Variants in PRDM8 observed in about 807,000 individuals in gnomAD.
The protein encoded by PRDM8 is PR domain zinc finger protein 8.
PRDM8 carries 13 observed loss-of-function variants against 46.5 expected under a neutral mutation model. That is an observed-to-expected ratio of 0.28 (90% CI 0.18 to 0.44). PRDM8 has a LOEUF of 0.44. PRDM8 is among the 20% of genes least tolerant of loss of function. PRDM8 has a pLI of 1.00. For missense variants in PRDM8, 998 were observed against 955.0 expected (o/e 1.04, Z -0.59); for synonymous variants, 473 against 438.4 (o/e 1.08, Z -0.98).
chr4:80,194,586 A>G (rs994603118), upstream of PRDM8, among the ~76,000 whole-genome samples: 1 of 152,240 alleles, frequency 6.6e-6, no homozygotes, highest in South Asian at 2.1e-4. Context: ...CAAAATGTGT[A>G]CCACTTAAAT....
intron 1 of PRDM8, chr4:80,189,868 G>A (rs1737412051): frequency 6.6e-6 from 1 of 152,260 alleles, no homozygotes; most frequent in Admixed American, 6.5e-5. Flanking sequence ...GACTTCTAAG[G>A]AGAATGTTCA....
chr4:80,188,771 G>T (rs1283564344), intron 1 of PRDM8, among the ~76,000 whole-genome samples: 3 of 152,208 alleles, frequency 2.0e-5, no homozygotes, highest in African/African-American at 7.2e-5. Flanking sequence ...CCCGTTCAGG[G>T]CTGCTCCTGC....
At chr4:80,193,453 T>C (rs1316475678), upstream of PRDM8, among the ~76,000 whole-genome samples, 2 of 152,074 alleles carry the variant, frequency 1.3e-5, no homozygotes, top group African/African-American at 2.4e-5. Flanking sequence ...AAACCCACCA[T>C]GTATCTTTCT....
At position 80,202,141 on chromosome 4, in the gene PRDM8, T is replaced by A. The variant is rs768596814; in HGVS notation, c.679T>A (p.Phe227Ile). The A allele has an allele frequency of 4.6e-5, 73 of 1,602,298 alleles. No homozygotes were observed. Among genetic ancestry groups the A allele is most frequent in the Non-Finnish European group, 5.9e-5 (70 of 1,177,358 alleles). ...GGCACCTTTAGGCCCGGGTCCCAAG[T>A]TTTGCAAAGCCGGCCCCCTCCACCA... ...QEAPLGPGPK[F>I]CKAGPLHHYP... Residue 227 changes from phenylalanine to isoleucine, a missense_variant, in exon 4 of 4, where the codon TTT (phenylalanine) becomes ATT (isoleucine). Physicochemically the swap from Phe to Ile is conservative, Grantham distance 21. Coordinates refer to ENST00000415738, the MANE Select transcript of PRDM8 (RefSeq NM_001099403.2).
chr4:80,185,513 G>A (rs988593533), exon 1 of PRDM8: 1 of 152,318 alleles, frequency 6.6e-6, no homozygotes, highest in African/African-American at 2.4e-5. Flanking sequence ...CAGGGGCGGC[G>A]GCAAAGTGAG....
upstream of PRDM8, among the ~76,000 whole-genome samples, chr4:80,193,794 T>C (rs1737730844): frequency 6.6e-6 from 1 of 152,206 alleles, no homozygotes; most frequent in African/African-American, 2.4e-5. Context: ...TGTGGGTTTT[T>C]TCCCCCCCTT....
Position 80,202,284 on chromosome 4 carries a change from CA to C in PRDM8, c.823del (p.Ser275AlafsTer26). Reference protein sequence around the residue: ...ARELENSRGGSSCSPAQSLSS... With the variant: ...ARELENSRGGXSCSPAQSLSS... ...GGGAGCTGGAAAACTCCCGGGGAGG[CA>C]GCAGCTGCTCCCCAGCCCAGAGCCT... is the stretch of plus-strand genomic sequence containing the variant. On this transcript the variant is annotated frameshift_variant, in exon 4 of 4. Coordinates refer to ENST00000415738, the MANE Select transcript of PRDM8 (RefSeq NM_001099403.2). LOFTEE classifies it high-confidence loss of function. 6.2e-7 allele frequency: 1 copy of C among 1,611,220 alleles called. No individual in the cohort carries two copies. The highest frequency in any genetic ancestry group is 8.5e-7 in the Non-Finnish European group (1 of 1,179,430).
chr4:80,200,863 C>T (rs1296294211), intron 2 of PRDM8, among the ~76,000 whole-genome samples: 1 of 152,184 alleles, frequency 6.6e-6, no homozygotes, highest in Non-Finnish European at 1.5e-5. Context: ...ATTAATTGTT[C>T]TAGCCAAGAT....
rs1303427636 is a variant in PRDM8 at position 80,200,071 on chromosome 4, A to G, written c.-2-8A>G. The G allele has an allele frequency of 3.1e-6, 5 of 1,605,772 alleles. No homozygotes were observed. Among genetic ancestry groups the G allele is most frequent in the African/African-American group, 1.3e-5 (1 of 74,754 alleles). ...ACTCACTTTCTTGTGCTGTGTGTCT[A>G]TCTCCAGTGATGGAGGATACTGGCA... is the stretch of plus-strand genomic sequence containing the variant. On this transcript the variant is annotated splice_region_variant and splice_polypyrimidine_tract_variant and intron_variant, in intron 1 of 3. Transcript: ENST00000415738.
At chr4:80,189,001 A>G (rs1737337474) in intron 1 of PRDM8, among the ~76,000 whole-genome samples, 1 of 152,126 alleles carries the variant, frequency 6.6e-6, no homozygotes, top group Admixed American at 6.5e-5. Context: ...CGTCCTGCCA[A>G]GCTCCGGGAC....
upstream of PRDM8, chr4:80,197,467 T>C (rs1738050202): frequency 5.3e-5 from 52 of 985,774 alleles, no homozygotes; most frequent in Non-Finnish European, 5.9e-5. Flanking sequence ...GCAGATTATG[T>C]GCAGCAAACA....
At position 80,203,885 on chromosome 4, in the gene PRDM8, A is replaced by G. The variant is rs1738787705; in HGVS notation, c.*353A>G. On this transcript the variant is annotated 3_prime_UTR_variant, in exon 4 of 4. Transcript: ENST00000415738. ...ACAAAGGTACATTTTTTAAAATGTCATATATTGCAACATATTGATGCATTT... is the reference window on the plus strand; with the variant it reads ...ACAAAGGTACATTTTTTAAAATGTCGTATATTGCAACATATTGATGCATTT... The G allele has an allele frequency of 5.4e-6, 1 of 186,344 alleles. No homozygotes were observed. Among genetic ancestry groups the G allele is most frequent in the Non-Finnish European group, 1.1e-5 (1 of 88,756 alleles). 11.5% of individuals were successfully genotyped at this position (186,344 alleles called of 1,614,324 possible). A position where few individuals can be genotyped will look rare whatever the true frequency, so the allele number is the denominator to read the frequency against.
At position 80,202,537 on chromosome 4, in the gene PRDM8, G is replaced by C; in HGVS notation, c.1075G>C (p.Gly359Arg). The change falls in exon 4 of 4, where the codon GGC (glycine) becomes CGC (arginine). Residue 359 changes from glycine to arginine, a missense_variant. Transcript: ENST00000415738. ...CACACCGCAGCAGTACCGAGCCTCG[G>C]GCAGCTACTTCGGCCTGGAAGAGAA... ...VCTPQQYRAS[G>R]SYFGLEENGR... 1 of 1,536,204 alleles carries C rather than the reference G, an allele frequency of 6.5e-7. No individual in the cohort carries two copies. Among genetic ancestry groups the C allele is most frequent in the Non-Finnish European group, 8.7e-7 (1 of 1,146,532 alleles).
upstream of PRDM8, among the ~76,000 whole-genome samples, chr4:80,194,781 C>A (rs1560469151): frequency 1.3e-5 from 2 of 152,102 alleles, no homozygotes; most frequent in Admixed American, 1.3e-4. Context: ...AAAAGTGAAA[C>A]TGAAATGAAG....
chr4:80,202,382 C>T lies in PRDM8; in HGVS notation c.920C>T (p.Thr307Met), dbSNP rs746887499. The T allele has an allele frequency of 3.2e-6, 5 of 1,581,852 alleles. No homozygotes were observed. The highest frequency in any genetic ancestry group is 1.4e-5 in the African/African-American group (1 of 73,532). Reference sequence around the variant, plus strand: ...GAGCTGAGTCCCGACGGCATCGCCACGGGCGGCGGCAAAGGAAAGAGGAAA... The same window carrying T: ...GAGCTGAGTCCCGACGGCATCGCCATGGGCGGCGGCAAAGGAAAGAGGAAA... ...EAELSPDGIA[T>M]GGGKGKRKFP... The change falls in exon 4 of 4, where the codon ACG becomes ATG. Residue 307 changes from threonine (T) to methionine (M), a missense_variant. Thr to Met is a moderately conservative substitution (Grantham distance 81, BLOSUM62 -1). Transcript: ENST00000415738.
At chr4:80,189,099 C>G (rs1160012738) in intron 1 of PRDM8, among the ~76,000 whole-genome samples, 1 of 152,204 alleles carries the variant, frequency 6.6e-6, no homozygotes, top group African/African-American at 2.4e-5. Flanking sequence ...CACGCGCGCT[C>G]TAGGAGGCCC....
intron 1 of PRDM8, among the ~76,000 whole-genome samples, chr4:80,188,796 G>T (rs909962387): frequency 6.6e-6 from 1 of 152,242 alleles, no homozygotes; most frequent in African/African-American, 2.4e-5. Flanking sequence ...AAGCTGCGTG[G>T]GCTAGGAGAA....
At position 80,202,902 on chromosome 4, in the gene PRDM8, C is replaced by A. The variant is rs1442760321; in HGVS notation, c.1440C>A (p.Ala480=). The change falls in exon 4 of 4, where the codon GCC becomes GCA. Residue 480 remains alanine, a synonymous_variant. Transcript: ENST00000415738. The part of the protein sequence containing the change: ...GSTSGGGGTG[A]GAAGGAGGGQ... ...CCAGCGGTGGGGGCGGAACGGGCGC[C>A]GGGGCCGCAGGCGGCGCGGGCGGGG... 6.8e-6 allele frequency: 9 copies of A among 1,331,944 alleles called. No homozygotes were observed. Among genetic ancestry groups the A allele is most frequent in the Non-Finnish European group, 7.6e-6 (8 of 1,052,282 alleles). The allele number at this position is 1,331,944 out of a possible 1,614,324, so 82.5% of individuals were successfully genotyped here. A position where few individuals can be genotyped will look rare whatever the true frequency, so the allele number is the denominator to read the frequency against.
At position 80,203,686 on chromosome 4, in the gene PRDM8, C is replaced by A; in HGVS notation, c.*154C>A. ...CCCCCCCGCCCCCCCAACGCGCACACACACGTCCTCTCCTCCCAGGAACCT... is the reference window on the plus strand; with the variant it reads ...CCCCCCCGCCCCCCCAACGCGCACAAACACGTCCTCTCCTCCCAGGAACCT... On this transcript the variant is annotated 3_prime_UTR_variant, in exon 4 of 4. Transcript: ENST00000415738. 7.5e-7 allele frequency: 1 copy of A among 1,332,264 alleles called. No individual in the cohort carries two copies. The highest frequency in any genetic ancestry group is 9.8e-7 in the Non-Finnish European group (1 of 1,019,140). 82.5% of individuals were successfully genotyped at this position (1,332,264 alleles called of 1,614,324 possible). A position where few individuals can be genotyped will look rare whatever the true frequency, so the allele number is the denominator to read the frequency against.
Sources: gnomAD v4.1 joint callset for allele counts (sites outside exome capture counted in the v4.1 genomes callset) on GRCh38, gnomAD v4.1.1 for gene constraint, MANE v1.5 for transcripts, NCBI Gene and HGNC (gene_info 2026-07-23, HGNC 2026-07-21) for gene names.